Variants in ETV6 observed in about 807,000 individuals in gnomAD.
The protein encoded by ETV6 is transcription factor ETV6.
ETV6 carries 16 observed loss-of-function variants against 51.1 expected under a neutral mutation model. The observed-to-expected ratio is 0.31, with a 90% confidence interval of 0.21 to 0.48. ETV6 has a LOEUF of 0.48. ETV6 is among the 20% of genes least tolerant of loss of function. ETV6 has a pLI of 0.99. For synonymous variants in ETV6, 240 were observed against 224.1 expected, an observed-to-expected ratio of 1.07 and a Z score of -0.64; for missense variants, 458 against 594.8, an observed-to-expected ratio of 0.77 and a Z score of 2.39.
At chr12:11,746,432 G>A (rs976499836) in intron 1 of ETV6, among the ~76,000 whole-genome samples, 2 of 152,266 alleles carry the variant, frequency 1.3e-5, no homozygotes, top group East Asian at 1.9e-4. Flanking sequence ...ATAAAATAAA[G>A]GCTTCATGGG....
intron 2 of ETV6, among the ~76,000 whole-genome samples, chr12:11,795,617 C>G (rs1209738669): frequency 6.6e-6 from 1 of 152,252 alleles, no homozygotes; most frequent in African/African-American, 2.4e-5. Flanking sequence ...CTTCTGTCCA[C>G]ATCGATTTCA....
intron 2 of ETV6, among the ~76,000 whole-genome samples, chr12:11,789,389 G>T (rs2136382869): frequency 6.6e-6 from 1 of 152,206 alleles, no homozygotes; most frequent in South Asian, 2.1e-4. Context: ...CATCCGCCCT[G>T]CCTCACTCTC....
At chr12:11,837,117 A>G (rs1946328290) in intron 2 of ETV6, among the ~76,000 whole-genome samples, 1 of 152,222 alleles carries the variant, frequency 6.6e-6, no homozygotes, top group Admixed American at 6.5e-5. Context: ...CGTGTTTTCA[A>G]GGTCATTGGA....
At position 11,891,228 on chromosome 12, in the gene ETV6, G is replaced by A. The variant is rs1444740766; in HGVS notation, c.*182G>A. On this transcript the variant is annotated 3_prime_UTR_variant, in exon 8 of 8. Coordinates refer to ENST00000396373, the MANE Select transcript of ETV6 (RefSeq NM_001987.5). ...TGGAGCACCTTAGACAAACTACCCA[G>A]CACAGGCGGGGCTGGAATTCTGGCG... 1 of 543,570 alleles carries A rather than the reference G, an allele frequency of 1.8e-6. No homozygotes were observed. Among genetic ancestry groups the A allele is most frequent in the Admixed American group, 3.2e-5 (1 of 30,798 alleles). 33.7% of individuals were successfully genotyped at this position (543,570 alleles called of 1,614,324 possible).
At chr12:11,857,269 G>T (rs960645727) in intron 4 of ETV6, among the ~76,000 whole-genome samples, 1 of 152,174 alleles carries the variant, frequency 6.6e-6, no homozygotes, top group Non-Finnish European at 1.5e-5. Flanking sequence ...TTGAAATCAT[G>T]CCTTCGTTAG....
At chr12:11,760,409 T>C (rs947921436) in intron 2 of ETV6, among the ~76,000 whole-genome samples, 1 of 152,142 alleles carries the variant, frequency 6.6e-6, no homozygotes, top group African/African-American at 2.4e-5. Flanking sequence ...GAAGGGAAAG[T>C]TGACTGCACA....
At chr12:11,868,873 C>G (rs982831086) in intron 4 of ETV6, among the ~76,000 whole-genome samples, 1 of 152,166 alleles carries the variant, frequency 6.6e-6, no homozygotes, top group East Asian at 1.9e-4. Context: ...CTACAGGCCA[C>G]AGGTAGGTCA....
chr12:11,694,884 T>A (rs1238893845), intron 1 of ETV6, among the ~76,000 whole-genome samples: 1 of 152,216 alleles, frequency 6.6e-6, no homozygotes, highest in Admixed American at 6.5e-5. Flanking sequence ...ACATGTCTTA[T>A]GTATCAGTTT....
chr12:11,743,677 T>C (rs1359814658), intron 1 of ETV6, among the ~76,000 whole-genome samples: 2 of 152,224 alleles, frequency 1.3e-5, no homozygotes, highest in Admixed American at 1.3e-4. Context: ...ATTAGGCATG[T>C]GTGGTCCATT....
intron 1 of ETV6, among the ~76,000 whole-genome samples, chr12:11,692,042 A>G (rs922762894): frequency 1.3e-5 from 2 of 152,314 alleles, no homozygotes; most frequent in Middle Eastern, 3.4e-3. Context: ...TCCAAAATTC[A>G]TGTTGAAACT....
At chr12:11,833,361 A>G (rs1946270212) in intron 2 of ETV6, among the ~76,000 whole-genome samples, 1 of 152,360 alleles carries the variant, frequency 6.6e-6, no homozygotes, top group Non-Finnish European at 1.5e-5. Context: ...TTCAGTTGAC[A>G]CCAGCAAGAC....
At position 11,891,881 on chromosome 12, in the gene ETV6, T is replaced by C. The variant is rs1366547876; in HGVS notation, c.*835T>C. ...GGGAGGCCAAAATCATCACAGATGC[T>C]GCTGTGCTGCAGACAGATACATGCT... On this transcript the variant is annotated 3_prime_UTR_variant, in exon 8 of 8. Coordinates refer to ENST00000396373, the MANE Select transcript of ETV6 (RefSeq NM_001987.5). 3 of 302,398 alleles carry C rather than the reference T, an allele frequency of 9.9e-6. No individual in the cohort carries two copies. The highest frequency in any genetic ancestry group is 6.3e-5 in the African/African-American group (3 of 47,658). 18.7% of individuals were successfully genotyped at this position (302,398 alleles called of 1,614,324 possible).
chr12:11,852,568 T>A (rs73066136), intron 3 of ETV6, among the ~76,000 whole-genome samples: 6,179 of 152,354 alleles, frequency 0.041, 175 homozygotes, highest in Non-Finnish European at 0.061. Flanking sequence ...CATTGGAGCA[T>A]TACAAATGTT....
chr12:11,825,741 TC>T (rs1470938769), intron 2 of ETV6: 1 of 152,178 alleles, frequency 6.6e-6, no homozygotes, highest in Non-Finnish European at 1.5e-5. Context: ...GATTTGAATT[TC>T]GTTGTTTCAT....
At chr12:11,790,869 G>A (rs1945575716) in intron 2 of ETV6, among the ~76,000 whole-genome samples, 2 of 151,942 alleles carry the variant, frequency 1.3e-5, no homozygotes, top group Admixed American at 6.5e-5. Context: ...GTAGAGACGG[G>A]CTTTCACCAT....
chr12:11,859,205 G>A (rs565947507), intron 4 of ETV6, among the ~76,000 whole-genome samples: 5 of 119,674 alleles, frequency 4.2e-5, no homozygotes, highest in Admixed American at 1.2e-4. Context: ...GCAGTGGTGC[G>A]ATCTCGGTTC....
intron 2 of ETV6, among the ~76,000 whole-genome samples, chr12:11,796,771 T>TA (rs1945682694): frequency 9.4e-6 from 1 of 106,104 alleles, no homozygotes; most frequent in Admixed American, 9.4e-5. Flanking sequence ...CTTTTCTTTT[T>TA]TTTTTTTTTG....
intron 1 of ETV6, among the ~76,000 whole-genome samples, chr12:11,694,392 T>C (rs1334169870): frequency 6.6e-6 from 1 of 152,204 alleles, no homozygotes; most frequent in Non-Finnish European, 1.5e-5. Context: ...ATTATCTGAA[T>C]TGGGGACCCA....
intron 2 of ETV6, among the ~76,000 whole-genome samples, chr12:11,834,496 A>G (rs1449966167): frequency 6.6e-6 from 1 of 152,218 alleles, no homozygotes; most frequent in Non-Finnish European, 1.5e-5. Context: ...GTTTTCTATT[A>G]AACTGAAAAG....
Sources: gnomAD v4.1 joint callset for allele counts (sites outside exome capture counted in the v4.1 genomes callset) on GRCh38, gnomAD v4.1.1 for gene constraint, MANE v1.5 for transcripts, NCBI Gene and HGNC (gene_info 2026-07-23, HGNC 2026-07-21) for gene names.